LRRTM4: variants seen among roughly 807,000 people sequenced by gnomAD.
LRRTM4 encodes leucine-rich repeat transmembrane neuronal protein 4.
LRRTM4 carries 25 observed loss-of-function variants against 47.6 expected under a neutral mutation model. The observed-to-expected ratio is 0.53, with a 90% CI of 0.38 to 0.73. The LOEUF (loss-of-function observed/expected upper bound fraction) is 0.73, where lower values mean the gene tolerates loss of function less well. Ranked by LOEUF, LRRTM4 falls within the 30% of genes least tolerant of loss-of-function variation. The pLI is 0.00. For missense variants in LRRTM4, 638 were observed against 713.4 expected, an observed-to-expected ratio of 0.89 and a Z score of 1.20; for synonymous variants, 311 against 269.5, an observed-to-expected ratio of 1.15 and a Z score of -1.51.
At chr2:76,935,916 T>C (rs1674930179) in intron 3 of LRRTM4, among the ~76,000 whole-genome samples, 1 of 152,176 alleles carries the variant, frequency 6.6e-6, no homozygotes, top group African/African-American at 2.4e-5. Context: ...TCTTTTCTTG[T>C]GCCAGTTTTC....
In LRRTM4 at chr2:76,941,000, G is replaced by T. The variant is rs1675123459; in HGVS notation, c.1552-192084C>A. On this transcript the variant is annotated intron_variant, in intron 3 of 3. Coordinates refer to ENST00000409884, the MANE Select transcript of LRRTM4 (RefSeq NM_001134745.3). ...ATTTACATTAATTTTCATAGTAAAAGCAGCTCAAGTGTTTGGTGATTATTG... is the reference window on the plus strand; with the variant it reads ...ATTTACATTAATTTTCATAGTAAAATCAGCTCAAGTGTTTGGTGATTATTG... Among the ~76,000 whole-genome samples, 3 of 152,102 alleles carry T rather than the reference G, an allele frequency of 2.0e-5. No homozygotes were observed. In the South Asian group the frequency reaches 6.2e-4, roughly 31 times the overall value.
Position 76,908,866 on chromosome 2 carries a change from A to T in LRRTM4, c.1552-159950T>A, listed in dbSNP as rs190171068. ...AGAGGATACAAACAAATGGAAGAAC[A>T]TTCCATGCTCATGGGTAGGAAGAGT... On this transcript the variant is annotated intron_variant, in intron 3 of 3. Coordinates refer to ENST00000409884, the MANE Select transcript of LRRTM4 (RefSeq NM_001134745.3). Among the ~76,000 whole-genome samples the T allele has an allele frequency of 3.0e-4, 46 of 152,326 alleles. 1 individual carries two copies. The highest frequency in any genetic ancestry group is 2.6e-3 in the Admixed American group (40 of 15,296).
At chr2:77,089,431 C>G (rs1034194300) in intron 3 of LRRTM4, among the ~76,000 whole-genome samples, 4 of 151,678 alleles carry the variant, frequency 2.6e-5, no homozygotes, top group African/African-American at 7.3e-5. Context: ...ATTTCCGCGC[C>G]CCAACCTCGT....
At chr2:77,137,604 G>T (rs145050637) in intron 3 of LRRTM4, among the ~76,000 whole-genome samples, 1 of 152,112 alleles carries the variant, frequency 6.6e-6, no homozygotes, top group Non-Finnish European at 1.5e-5. Flanking sequence ...ATAATGACAG[G>T]ATCAAATTCA....
At chr2:77,321,012 A>G (rs1297430758) in intron 3 of LRRTM4, among the ~76,000 whole-genome samples, 2 of 152,148 alleles carry the variant, frequency 1.3e-5, no homozygotes, top group African/African-American at 4.8e-5. Context: ...AATAAAAAAT[A>G]TAGACTTTGC....
chr2:76,752,480 C>A (rs544006465), intron 3 of LRRTM4, among the ~76,000 whole-genome samples: 1 of 152,240 alleles, frequency 6.6e-6, no homozygotes, highest in South Asian at 2.1e-4. Flanking sequence ...ATGTCATTTT[C>A]TCTATTGTAA....
At chr2:76,752,263 C>A (rs7597657) in intron 3 of LRRTM4, among the ~76,000 whole-genome samples, 4,649 of 152,162 alleles carry the variant, frequency 0.031, 258 homozygotes, top group African/African-American at 0.1. Flanking sequence ...TACTTAAAGC[C>A]TTTTAATTTA....
intron 3 of LRRTM4, among the ~76,000 whole-genome samples, chr2:77,168,384 A>G (rs1399412111): frequency 6.6e-6 from 1 of 151,714 alleles, no homozygotes; most frequent in Non-Finnish European, 1.5e-5. Flanking sequence ...GCTACTTATT[A>G]TCTCTTTTAC....
At chr2:76,820,259 A>C (rs925343474) in intron 3 of LRRTM4, among the ~76,000 whole-genome samples, 3 of 151,774 alleles carry the variant, frequency 2.0e-5, no homozygotes, top group Admixed American at 6.6e-5. Context: ...TCGCTGCTTT[A>C]TAGTGCCATT....
intron 3 of LRRTM4, among the ~76,000 whole-genome samples, chr2:76,809,431 C>G (rs922626230): frequency 5.9e-5 from 9 of 152,108 alleles, no homozygotes; most frequent in African/African-American, 2.2e-4. Context: ...AAACCATGGA[C>G]TCTTCCATGA....
chr2:76,894,058 A>G (rs1673333745), intron 3 of LRRTM4, among the ~76,000 whole-genome samples: 1 of 151,954 alleles, frequency 6.6e-6, no homozygotes, highest in South Asian at 2.1e-4. Context: ...CAGTTAATTA[A>G]TTGTATGTAG....
rs76924991 is a variant in LRRTM4, at chr2:77,118,327, C to T, written c.1552-369411G>A. On this transcript the variant is annotated intron_variant, in intron 3 of 3. Coordinates refer to ENST00000409884, the MANE Select transcript of LRRTM4 (RefSeq NM_001134745.3). ...TAATATCGAGAAAAAAAAGACAATG[C>T]CAAAACTCAGAAAAGTATCTACTTT... 5.1e-3 allele frequency among the ~76,000 whole-genome samples: 771 copies of T among 151,858 alleles called. 7 individuals are homozygous for T. The highest frequency in any genetic ancestry group is 0.018 in the African/African-American group (733 of 41,504).
rs368842956 is a variant in LRRTM4 at position 76,807,425 on chromosome 2, C to CACAT, written c.1552-58510_1552-58509insATGT. On this transcript the variant is annotated intron_variant, in intron 3 of 3. Transcript: ENST00000409884. ...GTATATACGTATATATATATATATA[C>CACAT]ATATATATATACGTATATACATATA... Among the ~76,000 whole-genome samples the CACAT allele has an allele frequency of 9.3e-4, 91 of 98,052 alleles. 1 individual carries two copies. Among genetic ancestry groups the CACAT allele is most frequent in the Non-Finnish European group, 1.0e-3 (54 of 53,760 alleles). 64.3% of individuals were successfully genotyped at this position (98,052 alleles called of 152,430 possible). A position where few individuals can be genotyped will look rare whatever the true frequency, so the allele number is the denominator to read the frequency against.
chr2:76,936,631 A>G (rs1674960301), intron 3 of LRRTM4, among the ~76,000 whole-genome samples: 1 of 150,698 alleles, frequency 6.6e-6, no homozygotes, highest in African/African-American at 2.4e-5. Flanking sequence ...TTGCAGTGAT[A>G]CTCACTCTTT....
chr2:77,184,854 CA>C (rs1673455213), intron 3 of LRRTM4, among the ~76,000 whole-genome samples: 1 of 152,062 alleles, frequency 6.6e-6, no homozygotes, highest in Non-Finnish European at 1.5e-5. Context: ...TTACTTCTTA[CA>C]ATGTATTTTG....
intron 3 of LRRTM4, among the ~76,000 whole-genome samples, chr2:76,819,608 T>C (rs2103853466): frequency 6.6e-6 from 1 of 151,984 alleles, no homozygotes; most frequent in African/African-American, 2.4e-5. Context: ...TTGAATAAAA[T>C]TGGAAATCAA....
chr2:76,891,470 A>C (rs990533695), intron 3 of LRRTM4, among the ~76,000 whole-genome samples: 1 of 151,754 alleles, frequency 6.6e-6, no homozygotes, highest in African/African-American at 2.4e-5. Flanking sequence ...CCTGGATAAG[A>C]TCCAGTTAGA....
chr2:77,123,262 A>G (rs1671567232), intron 3 of LRRTM4, among the ~76,000 whole-genome samples: 1 of 150,526 alleles, frequency 6.6e-6, no homozygotes, highest in Non-Finnish European at 1.5e-5. Context: ...TTCATAATTC[A>G]GTCTTTTAAC....
At chr2:77,364,497 C>A (rs1558708611) in intron 3 of LRRTM4, among the ~76,000 whole-genome samples, 1 of 152,072 alleles carries the variant, frequency 6.6e-6, no homozygotes, top group South Asian at 2.1e-4. Flanking sequence ...AACTCTCTAA[C>A]AGCCTAGCAG....
Sources: gnomAD v4.1 joint callset for allele counts (sites outside exome capture counted in the v4.1 genomes callset) on GRCh38, gnomAD v4.1.1 for gene constraint, MANE v1.5 for transcripts, NCBI Gene and HGNC (gene_info 2026-07-23, HGNC 2026-07-21) for gene names.